The following GRM5 variants were observed in gnomAD, a reference collection of about 807,000 sequenced individuals.
GRM5 encodes the protein metabotropic glutamate receptor 5.
GRM5 carries 19 observed loss-of-function variants against 83.1 expected under a neutral mutation model. That is an observed-to-expected ratio of 0.23 (90% CI 0.16 to 0.34). The LOEUF is 0.34. Among genes scored for constraint, GRM5 ranks in the 10% least tolerant of loss-of-function variants. GRM5 has a pLI of 1.00. For synonymous variants in GRM5, 675 were observed against 633.6 expected (o/e 1.07, Z -0.98); for missense variants, 1,160 against 1,588.3 (o/e 0.73, Z 4.58).
chr11:88,563,245 T>C (rs1442305599), intron 8 of GRM5, among the ~76,000 whole-genome samples: 3 of 152,186 alleles, frequency 2.0e-5, no homozygotes, highest in African/African-American at 7.2e-5. Flanking sequence ...CTAAAGTGCC[T>C]TATTCAAATT....
chr11:88,530,089 T>G (rs573194916), intron 8 of GRM5, among the ~76,000 whole-genome samples: 2 of 152,110 alleles, frequency 1.3e-5, no homozygotes, highest in East Asian at 3.9e-4. Flanking sequence ...GTTGAAAATA[T>G]TCAGAACAGG....
rs200678507 is a variant in GRM5, at chr11:88,653,292, A to G, written c.1023T>C (p.Tyr341=). The G allele has an allele frequency of 1.3e-5, 21 of 1,613,088 alleles. No individual in the cohort carries two copies. The highest frequency in any genetic ancestry group is 1.8e-5 in the Non-Finnish European group (21 of 1,179,410). ...GGTTTGTTTCTGGCCGGAGCTTCAGATAATAATCATCAAACCACTTGACAT... is the reference window on the plus strand; with the variant it reads ...GGTTTGTTTCTGGCCGGAGCTTCAGGTAATAATCATCAAACCACTTGACAT... The part of the protein sequence containing the change: ...SPDVKWFDDY[Y]LKLRPETNHR... Residue 341 remains tyrosine (Y), a synonymous_variant, in exon 4 of 10, where the codon TAT becomes TAC. Coordinates refer to ENST00000305447, the MANE Select transcript of GRM5 (RefSeq NM_001143831.3).
chr11:88,684,074 G>T (rs917395269), intron 3 of GRM5, among the ~76,000 whole-genome samples: 26 of 152,240 alleles, frequency 1.7e-4, no homozygotes, highest in African/African-American at 5.5e-4. Context: ...AATGTCCTGG[G>T]AAGAAGACAC....
intron 3 of GRM5, among the ~76,000 whole-genome samples, chr11:88,811,867 G>A (rs1017413845): frequency 1.3e-5 from 2 of 152,058 alleles, no homozygotes; most frequent in Non-Finnish European, 2.9e-5. Flanking sequence ...CCAGAGCTCA[G>A]TGGTACAAAT....
In GRM5 at chr11:89,047,482, C is replaced by A; in HGVS notation, c.391G>T (p.Asp131Tyr). 6.2e-7 allele frequency: 1 copy of A among 1,614,188 alleles called. No individual in the cohort carries two copies. Among genetic ancestry groups the A allele is most frequent in the Non-Finnish European group, 8.5e-7 (1 of 1,180,024 alleles). Residue 131 changes from aspartate to tyrosine, a missense_variant, in exon 2 of 10, where the codon GAT becomes TAT. This residue lies in a region of GRM5 where 39 missense variants were observed against 36.7 expected (regional missense o/e 1.06). Transcript: ENST00000305447. This position sits in a 1 kb window ranked among gnomAD's most constrained non-coding sequence, Gnocchi z 5.1. ...GAGCGGAAGGAAGAGGAGGAGCCAT[C>A]CACACAGCGTACCAAGCCTTCTTCC... Reference protein sequence around the residue: ...EEEEGLVRCVDGSSSSFRSKK... With the variant: ...EEEEGLVRCVYGSSSSFRSKK...
At chr11:88,646,872 G>C (rs1591407995) in intron 4 of GRM5, among the ~76,000 whole-genome samples, 1 of 128,068 alleles carries the variant, frequency 7.8e-6, no homozygotes. Flanking sequence ...ATGAAGGAAT[G>C]TTAATTTTCT....
intron 2 of GRM5, among the ~76,000 whole-genome samples, chr11:88,891,612 C>T (rs113399067): frequency 2.3e-4 from 2 of 8,652 alleles, no homozygotes; most frequent in African/African-American, 5.7e-4. Flanking sequence ...TCTAATGTCT[C>T]ATAATTAATT....
intron 2 of GRM5, among the ~76,000 whole-genome samples, chr11:88,971,349 T>A (rs1440196792): frequency 6.6e-6 from 1 of 152,168 alleles, no homozygotes; most frequent in East Asian, 1.9e-4. Flanking sequence ...AATTGTGTGC[T>A]GTGGGAGTTT....
chr11:88,901,988 G>A (rs1945321004), intron 2 of GRM5, among the ~76,000 whole-genome samples: 1 of 152,044 alleles, frequency 6.6e-6, no homozygotes, highest in South Asian at 2.1e-4. Flanking sequence ...TCAGGGCGTG[G>A]TTGCCATCCT....
intron 4 of GRM5, among the ~76,000 whole-genome samples, chr11:88,609,812 T>C (rs113788105): frequency 2.0e-3 from 301 of 152,318 alleles, no homozygotes; most frequent in African/African-American, 6.9e-3. Context: ...TTGCTAAGGC[T>C]AATGTTCAGA....
chr11:88,818,699 G>A (rs1289939441), intron 3 of GRM5, among the ~76,000 whole-genome samples: 1 of 152,112 alleles, frequency 6.6e-6, no homozygotes, highest in Non-Finnish European at 1.5e-5. Context: ...CTCTAATAAA[G>A]TAGTTCATTT....
chr11:88,920,905 G>A (rs538776451), intron 2 of GRM5, among the ~76,000 whole-genome samples: 10 of 152,092 alleles, frequency 6.6e-5, no homozygotes, highest in African/African-American at 1.2e-4. Context: ...GACAGGAAAA[G>A]TGCTACATAA....
At chr11:88,684,427 G>A (rs1409801394) in intron 3 of GRM5, among the ~76,000 whole-genome samples, 1 of 152,214 alleles carries the variant, frequency 6.6e-6, no homozygotes, top group Non-Finnish European at 1.5e-5. Flanking sequence ...AGATAGCTTG[G>A]AATTGAGAAG....
intron 2 of GRM5, among the ~76,000 whole-genome samples, chr11:88,870,342 TA>T (rs1359156429): frequency 6.6e-6 from 1 of 151,444 alleles, no homozygotes; most frequent in African/African-American, 2.4e-5. Context: ...AAATAATATT[TA>T]AAAATATTTT....
intron 2 of GRM5, among the ~76,000 whole-genome samples, chr11:88,993,771 G>A (rs1352588189): frequency 6.6e-6 from 1 of 152,094 alleles, no homozygotes; most frequent in Admixed American, 6.5e-5. Context: ...GTCCAGGCTG[G>A]AGTGCAGTGA....
At chr11:88,803,305 C>T (rs2135488758) in intron 3 of GRM5, among the ~76,000 whole-genome samples, 1 of 151,926 alleles carries the variant, frequency 6.6e-6, no homozygotes, top group East Asian at 1.9e-4. Context: ...GCTACAGTAA[C>T]CAAAACAGCA....
intron 3 of GRM5, among the ~76,000 whole-genome samples, chr11:88,678,927 A>G (rs1173643329): frequency 6.6e-6 from 1 of 152,096 alleles, no homozygotes; most frequent in Non-Finnish European, 1.5e-5. Context: ...AAAAAAGTGA[A>G]AGAAGGCCAG....
rs1941156672 is a variant in GRM5, at chr11:88,505,339, A to G, written c.*3253T>C. On this transcript the variant is annotated 3_prime_UTR_variant, in exon 10 of 10. Coordinates refer to ENST00000305447, the MANE Select transcript of GRM5 (RefSeq NM_001143831.3). Reference sequence around the variant, plus strand: ...ATAGGAAATGCTTTTGTTTTTTGTTATTCTTAAAAAGAGCATTTAATTCCT... The same window carrying G: ...ATAGGAAATGCTTTTGTTTTTTGTTGTTCTTAAAAAGAGCATTTAATTCCT... The G allele has an allele frequency of 6.6e-6, 1 of 152,184 alleles. No homozygotes were observed. The highest frequency in any genetic ancestry group is 2.1e-4 in the South Asian group (1 of 4,834). 9.4% of individuals were successfully genotyped at this position (152,184 alleles called of 1,614,324 possible).
intron 7 of GRM5, among the ~76,000 whole-genome samples, chr11:88,574,992 T>C (rs1324560365): frequency 6.7e-6 from 1 of 149,528 alleles, no homozygotes; most frequent in Non-Finnish European, 1.5e-5. Context: ...TTTCTTTTTT[T>C]TTTTTTTTTA....
Sources: allele counts gnomAD v4.1 joint callset (sites outside exome capture counted in the v4.1 genomes callset), GRCh38; gene constraint gnomAD v4.1.1; regional missense constraint gnomAD v4.1.1; non-coding constraint Gnocchi (gnomAD v3.1); transcripts MANE v1.5; gene names NCBI Gene and HGNC (gene_info 2026-07-23, HGNC 2026-07-21).